The following LDLRAD4 variants were observed in gnomAD, a reference collection of about 807,000 sequenced individuals.
LDLRAD4 encodes the protein low density lipoprotein receptor class A domain containing 4.
In LDLRAD4, 5 loss-of-function variants were observed where a neutral mutation model predicts 17.0. That is an observed-to-expected ratio of 0.29 (90% CI 0.15 to 0.62). LDLRAD4 has a LOEUF of 0.62. Ranked by LOEUF, LDLRAD4 falls within the 20% of genes least tolerant of loss-of-function variation. The probability of loss-of-function intolerance (pLI) is 0.84; values close to 1 mark genes in which losing one functional copy is unlikely to be tolerated. For missense variants in LDLRAD4, 340 were observed against 424.7 expected, an observed-to-expected ratio of 0.80 and a Z score of 1.75; for synonymous variants, 168 against 171.8, an observed-to-expected ratio of 0.98 and a Z score of 0.17.
At chr18:13,246,522 A>G (rs1447570253) in intron 1 of LDLRAD4, among the ~76,000 whole-genome samples, 1 of 152,240 alleles carries the variant, frequency 6.6e-6, no homozygotes, top group African/African-American at 2.4e-5. Flanking sequence ...CCAGCTATTG[A>G]TGGGTGTACA....
chr18:13,359,167 A>G (rs1227216797), intron 1 of LDLRAD4, among the ~76,000 whole-genome samples: 2 of 152,210 alleles, frequency 1.3e-5, no homozygotes, highest in Non-Finnish European at 2.9e-5. Flanking sequence ...GTGCACAAGG[A>G]CAGGCATTGA....
At chr18:13,448,204 G>C (rs567969698) in intron 3 of LDLRAD4, among the ~76,000 whole-genome samples, 1 of 152,310 alleles carries the variant, frequency 6.6e-6, no homozygotes, top group East Asian at 1.9e-4. Flanking sequence ...GTGAAAAGGA[G>C]GATGTTGTCG....
At chr18:13,231,333 G>A (rs1323503746) in intron 1 of LDLRAD4, among the ~76,000 whole-genome samples, 1 of 152,152 alleles carries the variant, frequency 6.6e-6, no homozygotes, top group South Asian at 2.1e-4. Context: ...TTTTGGGAGC[G>A]GGAGTGAACC....
At chr18:13,498,688 T>A (rs1281394944) in intron 3 of LDLRAD4, among the ~76,000 whole-genome samples, 1 of 148,500 alleles carries the variant, frequency 6.7e-6, no homozygotes, top group Non-Finnish European at 1.5e-5. Context: ...CGTCCTGCTG[T>A]GGACACTGGA....
rs546525973 is a variant in LDLRAD4 at position 13,304,397 on chromosome 18, G to C, written c.-383+26209G>C. Reference sequence around the variant, plus strand: ...CACATGTTGAAGAGTGCAGAGATGGGAGATGGCCCTCTTGGTGCTAGTGTC... The same window carrying C: ...CACATGTTGAAGAGTGCAGAGATGGCAGATGGCCCTCTTGGTGCTAGTGTC... On this transcript the variant is annotated intron_variant, in intron 1 of 5. Coordinates refer to ENST00000359446, the Ensembl canonical transcript of LDLRAD4. 2.0e-3 allele frequency among the ~76,000 whole-genome samples: 312 copies of C among 152,342 alleles called. 1 individual carries two copies. Among genetic ancestry groups the C allele is most frequent in the Middle Eastern group, 0.01 (3 of 294 alleles).
intron 1 of LDLRAD4, among the ~76,000 whole-genome samples, chr18:13,224,474 C>CTTTCTTT (rs1555621213): frequency 2.3e-5 from 2 of 87,880 alleles, no homozygotes; most frequent in African/African-American, 9.2e-5. Context: ...TTCTTTCTTT[C>CTTTCTTT]TTTTTTTTTT....
At chr18:13,461,167 G>A (rs2092411853) in intron 3 of LDLRAD4, 2 of 152,486 alleles carry the variant, frequency 1.3e-5, no homozygotes, top group Admixed American at 1.3e-4. Flanking sequence ...GCCCCATGAT[G>A]TCTGTCGTGC....
chr18:13,307,914 C>T (rs1490670428), intron 1 of LDLRAD4, among the ~76,000 whole-genome samples: 3 of 152,118 alleles, frequency 2.0e-5, no homozygotes, highest in African/African-American at 4.8e-5. Context: ...GACCGTGGAG[C>T]GGGCTGGCAT....
At chr18:13,245,444 A>G (rs944656030) in intron 1 of LDLRAD4, among the ~76,000 whole-genome samples, 19 of 152,330 alleles carry the variant, frequency 1.2e-4, no homozygotes, top group South Asian at 1.2e-3. Context: ...GACTTTGCCA[A>G]TTGCTATGAT....
intron 1 of LDLRAD4, among the ~76,000 whole-genome samples, chr18:13,261,426 A>G (rs2043808560): frequency 6.6e-6 from 1 of 152,250 alleles, no homozygotes; most frequent in Non-Finnish European, 1.5e-5. Flanking sequence ...AATGCCCAGC[A>G]CAGTGCCTGC....
At chr18:13,539,383 A>G (rs1381158007) in intron 3 of LDLRAD4, among the ~76,000 whole-genome samples, 4 of 152,224 alleles carry the variant, frequency 2.6e-5, no homozygotes. Context: ...TTATATTTGC[A>G]TAGAAAAAGA....
intron 1 of LDLRAD4, among the ~76,000 whole-genome samples, chr18:13,370,856 G>A (rs1296937489): frequency 7.2e-5 from 11 of 151,756 alleles, no homozygotes; most frequent in East Asian, 3.9e-4. Flanking sequence ...GACTACAGGC[G>A]CGCACCACCA....
At chr18:13,505,975 T>C (rs1461036071) in intron 3 of LDLRAD4, among the ~76,000 whole-genome samples, 1 of 152,198 alleles carries the variant, frequency 6.6e-6, no homozygotes, top group Non-Finnish European at 1.5e-5. Context: ...CTTCCTGCAC[T>C]GCACGAGCTG....
chr18:13,596,143 C>CT (rs1290123570), intron 3 of LDLRAD4, among the ~76,000 whole-genome samples: 4 of 151,970 alleles, frequency 2.6e-5, no homozygotes, highest in Admixed American at 1.3e-4. Context: ...TCCCTTGTAA[C>CT]TTTTTTTTGT....
chr18:13,339,727 G>A (rs1238965709), intron 1 of LDLRAD4, among the ~76,000 whole-genome samples: 1 of 152,126 alleles, frequency 6.6e-6, no homozygotes, highest in Non-Finnish European at 1.5e-5. Flanking sequence ...GAATTGATCA[G>A]TCTAGATCAA....
At chr18:13,585,507 A>G (rs1275403518) in intron 3 of LDLRAD4, 3 of 152,260 alleles carry the variant, frequency 2.0e-5, no homozygotes, top group Admixed American at 6.5e-5. Flanking sequence ...GGTCATTCTG[A>G]TGATTAGTAA....
intron 3 of LDLRAD4, among the ~76,000 whole-genome samples, chr18:13,600,524 C>T (rs1169294073): frequency 6.6e-6 from 1 of 152,212 alleles, no homozygotes; most frequent in African/African-American, 2.4e-5. Flanking sequence ...ATAATGACAG[C>T]AGACAGAATC....
intron 3 of LDLRAD4, among the ~76,000 whole-genome samples, chr18:13,469,629 T>C (rs2092714597): frequency 6.6e-6 from 1 of 152,190 alleles, no homozygotes; most frequent in South Asian, 2.1e-4. Flanking sequence ...ATATAAGATA[T>C]GACAAATATA....
At chr18:13,315,725 G>GGTGA (rs991810950) in intron 1 of LDLRAD4, among the ~76,000 whole-genome samples, 2 of 150,918 alleles carry the variant, frequency 1.3e-5, no homozygotes, top group African/African-American at 4.9e-5. Context: ...TGGAGGTTGT[G>GGTGA]GTGAGCTGAG....
Sources: allele counts gnomAD v4.1 joint callset (sites outside exome capture counted in the v4.1 genomes callset), GRCh38; gene constraint gnomAD v4.1.1; transcripts MANE v1.5; gene names NCBI Gene and HGNC (gene_info 2026-07-23, HGNC 2026-07-21).